The following PCDH7 variants were observed in gnomAD, a reference collection of about 807,000 sequenced individuals.
PCDH7 encodes protocadherin 7.
Under a neutral mutation model 58.9 loss-of-function variants are expected in PCDH7, and 17 were observed. The observed-to-expected ratio is 0.29, with a 90% CI of 0.20 to 0.43. The LOEUF (loss-of-function observed/expected upper bound fraction) is 0.43, where lower values mean the gene tolerates loss of function less well. PCDH7 is among the 20% of genes least tolerant of loss of function. The pLI, the probability that PCDH7 is intolerant of heterozygous loss-of-function variation, is 1.00. For missense variants in PCDH7, 1,274 were observed against 1,441.0 expected (o/e 0.88, Z 1.88); for synonymous variants, 664 against 616.4 (o/e 1.08, Z -1.14).
At chr4:30,842,719 C>T (rs767900447) in intron 1 of PCDH7, among the ~76,000 whole-genome samples, 5 of 152,064 alleles carry the variant, frequency 3.3e-5, no homozygotes, top group Non-Finnish European at 7.4e-5. Context: ...AGCTTATATT[C>T]TGTAGGAGGC....
chr4:30,730,216 C>T (rs9917933), intron 1 of PCDH7, among the ~76,000 whole-genome samples: 80 of 151,752 alleles, frequency 5.3e-4, no homozygotes, highest in African/African-American at 1.7e-3. Context: ...GCAAGGTTTC[C>T]CATTCATTTA....
chr4:30,727,752 C>T (rs897590075), intron 1 of PCDH7, among the ~76,000 whole-genome samples: 8 of 151,892 alleles, frequency 5.3e-5, no homozygotes, highest in African/African-American at 1.9e-4. Context: ...TTCTATTTTT[C>T]TGTTTATTTT....
chr4:31,145,682 A>G (rs566918941), downstream of PCDH7: 6 of 152,186 alleles, frequency 3.9e-5, no homozygotes, highest in South Asian at 1.2e-3. Context: ...CAGATAATGG[A>G]CCAGTCTTAA....
At chr4:30,848,506 G>A (rs764431594) in intron 1 of PCDH7, among the ~76,000 whole-genome samples, 14 of 152,126 alleles carry the variant, frequency 9.2e-5, no homozygotes, top group Non-Finnish European at 1.8e-4. Flanking sequence ...ATCAGATGAG[G>A]ACAGATGCAA....
At chr4:30,727,388 T>C (rs2109232987) in intron 1 of PCDH7, among the ~76,000 whole-genome samples, 1 of 152,090 alleles carries the variant, frequency 6.6e-6, no homozygotes, top group Middle Eastern at 3.4e-3. Context: ...TACTTTTTGT[T>C]TTGTTTACAT....
At chr4:31,001,345 TA>T (rs1387723476) in intron 3 of PCDH7, among the ~76,000 whole-genome samples, 2 of 152,226 alleles carry the variant, frequency 1.3e-5, no homozygotes, top group East Asian at 3.9e-4. Flanking sequence ...AAATATTAGT[TA>T]AAAATTTTCA....
intron 3 of PCDH7, among the ~76,000 whole-genome samples, chr4:31,047,206 C>T (rs1488609925): frequency 6.6e-6 from 1 of 151,998 alleles, no homozygotes; most frequent in Non-Finnish European, 1.5e-5. Flanking sequence ...TCAAAATCTT[C>T]TCTAAGATTA....
intron 3 of PCDH7, among the ~76,000 whole-genome samples, chr4:31,050,015 A>T (rs955183023): frequency 6.6e-6 from 1 of 152,096 alleles, no homozygotes; most frequent in African/African-American, 2.4e-5. Context: ...GCAAAAATAC[A>T]AATGTCTACT....
intron 1 of PCDH7, among the ~76,000 whole-genome samples, chr4:30,868,295 T>C (rs1423393601): frequency 6.6e-6 from 1 of 152,094 alleles, no homozygotes; most frequent in East Asian, 1.9e-4. Flanking sequence ...GAAATGGTGA[T>C]TTAGGTTCAT....
chr4:30,739,879 T>C (rs6448720), intron 1 of PCDH7, among the ~76,000 whole-genome samples: 69,002 of 152,036 alleles, frequency 0.45, 16,390 homozygotes, highest in Middle Eastern at 0.53. Context: ...TCGTGGAGTT[T>C]CAGTTTTAGT....
intron 1 of PCDH7, among the ~76,000 whole-genome samples, chr4:30,787,517 C>T (rs913504503): frequency 6.6e-6 from 1 of 152,032 alleles, no homozygotes; most frequent in Non-Finnish European, 1.5e-5. Context: ...ATGTCACAGA[C>T]ATTTTACACA....
intron 1 of PCDH7, among the ~76,000 whole-genome samples, chr4:30,771,788 A>G (rs1382459840): frequency 1.3e-5 from 2 of 152,210 alleles, no homozygotes; most frequent in South Asian, 2.1e-4. Context: ...AAAATGCTTT[A>G]TGAAATTTTA....
intron 3 of PCDH7, among the ~76,000 whole-genome samples, chr4:31,047,449 C>T (rs1756378810): frequency 6.6e-6 from 1 of 151,970 alleles, no homozygotes; most frequent in Non-Finnish European, 1.5e-5. Context: ...GACAAATGCT[C>T]ACTGTCATAG....
chr4:30,845,543 G>C (rs1357388836), intron 1 of PCDH7, among the ~76,000 whole-genome samples: 1 of 152,122 alleles, frequency 6.6e-6, no homozygotes, highest in Non-Finnish European at 1.5e-5. Context: ...TTAAGTTGGT[G>C]TAAATTTGGT....
chr4:31,095,234 C>T (rs1713808464), intron 3 of PCDH7, among the ~76,000 whole-genome samples: 1 of 151,848 alleles, frequency 6.6e-6, no homozygotes, highest in African/African-American at 2.4e-5. Flanking sequence ...GATTTTGTAA[C>T]TAGCTTAAAT....
intron 1 of PCDH7, among the ~76,000 whole-genome samples, chr4:30,818,549 A>T (rs757349108): frequency 1.3e-5 from 2 of 152,158 alleles, no homozygotes; most frequent in African/African-American, 4.8e-5. Flanking sequence ...TCCAATGATC[A>T]TAATTAATTC....
intron 1 of PCDH7, among the ~76,000 whole-genome samples, chr4:30,876,505 G>A (rs7674446): frequency 0.37 from 55,918 of 151,704 alleles, 10,747 homozygotes; most frequent in African/African-American, 0.44. Flanking sequence ...TTCATTATAC[G>A]TGATTCATTT....
chr4:30,894,987 T>A (rs1739221606), intron 1 of PCDH7, among the ~76,000 whole-genome samples: 1 of 151,980 alleles, frequency 6.6e-6, no homozygotes, highest in Non-Finnish European at 1.5e-5. Flanking sequence ...TATTATTATG[T>A]TATTTTTATC....
chr4:30,821,182 C>T (rs1296976544), intron 1 of PCDH7, among the ~76,000 whole-genome samples: 1 of 152,156 alleles, frequency 6.6e-6, no homozygotes, highest in Non-Finnish European at 1.5e-5. Flanking sequence ...GGTAAATGAT[C>T]TCACTCTGTT....
Sources: allele counts gnomAD v4.1 joint callset (sites outside exome capture counted in the v4.1 genomes callset), GRCh38; gene constraint gnomAD v4.1.1; transcripts MANE v1.5; gene names NCBI Gene and HGNC (gene_info 2026-07-23, HGNC 2026-07-21).